Variants in CD247 observed in about 807,000 individuals in gnomAD.
CD247 encodes T-cell surface glycoprotein CD3 zeta chain.
In CD247, 13 loss-of-function variants were observed where a neutral mutation model predicts 30.0. That is an observed-to-expected ratio of 0.43 (90% confidence interval 0.28 to 0.69). The LOEUF (loss-of-function observed/expected upper bound fraction) is 0.69, where lower values mean the gene tolerates loss of function less well. Among genes scored for constraint, CD247 ranks in the 30% least tolerant of loss-of-function variants. The pLI, the probability that CD247 is intolerant of heterozygous loss-of-function variation, is 0.16. For synonymous variants in CD247, 72 were observed against 80.0 expected, an observed-to-expected ratio of 0.90 and a Z score of 0.53; for missense variants, 193 against 212.6, an observed-to-expected ratio of 0.91 and a Z score of 0.57.
At chr1:167,435,558 T>C in intron 4 of CD247, 124 bp from the exon 5 acceptor site, 1 of 795,328 alleles carries the variant, frequency 1.3e-6, no homozygotes, top group Non-Finnish European at 2.2e-6. Flanking sequence ...GCCTCTCTCC[T>C]CCCTGTGCTA....
At chr1:167,465,166 T>C (rs939642643) in intron 1 of CD247, among the ~76,000 whole-genome samples, 1 of 152,116 alleles carries the variant, frequency 6.6e-6, no homozygotes, top group African/African-American at 2.4e-5. Flanking sequence ...ATCATGTGTT[T>C]ACAAGCCTCA....
intron 1 of CD247, among the ~76,000 whole-genome samples, chr1:167,515,014 G>C (rs1655540391): frequency 6.6e-6 from 1 of 152,130 alleles, no homozygotes; most frequent in Non-Finnish European, 1.5e-5. Flanking sequence ...CTAAGCCAGA[G>C]CTCCCCAGGA....
chr1:167,478,385 G>A (rs1404852549), intron 1 of CD247, among the ~76,000 whole-genome samples: 5 of 152,214 alleles, frequency 3.3e-5, no homozygotes, highest in African/African-American at 4.8e-5. Flanking sequence ...GCAGAGATAA[G>A]AATGTTAAGC....
intron 1 of CD247, among the ~76,000 whole-genome samples, chr1:167,504,837 ACCTTTTGGGATCTCAT>A (rs1182253725): frequency 6.6e-6 from 1 of 152,214 alleles, no homozygotes; most frequent in African/African-American, 2.4e-5. Flanking sequence ...AATCTTGCCT[ACCTTTTGGGATCTCAT>A]CCGTTGGTGA....
At chr1:167,474,170 C>G (rs1012811069) in intron 1 of CD247, among the ~76,000 whole-genome samples, 1 of 152,126 alleles carries the variant, frequency 6.6e-6, no homozygotes, top group African/African-American at 2.4e-5. Flanking sequence ...ACTGAATAGT[C>G]TCACTGCCCT....
intron 1 of CD247, among the ~76,000 whole-genome samples, chr1:167,504,785 T>C (rs1223786431): frequency 1.3e-5 from 2 of 152,164 alleles, no homozygotes; most frequent in East Asian, 3.8e-4. Flanking sequence ...TGGGCTTCAT[T>C]AAAAAGCCCT....
chr1:167,465,399 G>A (rs1308278394), intron 1 of CD247, among the ~76,000 whole-genome samples: 1 of 142,634 alleles, frequency 7.0e-6, no homozygotes, highest in Non-Finnish European at 1.5e-5. Flanking sequence ...GGTGATCTCA[G>A]CTCACTGCAA....
At chr1:167,497,241 G>A (rs1029283713) in intron 1 of CD247, among the ~76,000 whole-genome samples, 7 of 152,096 alleles carry the variant, frequency 4.6e-5, no homozygotes, top group Non-Finnish European at 8.8e-5. Context: ...AGCCTAGAAG[G>A]ACAGTCACCA....
intron 1 of CD247, among the ~76,000 whole-genome samples, chr1:167,462,711 A>G (rs1260246058): frequency 6.6e-6 from 1 of 152,190 alleles, no homozygotes; most frequent in Non-Finnish European, 1.5e-5. Flanking sequence ...GAATGGGACC[A>G]GTAAAAGGGG....
intron 5 of CD247, chr1:167,434,515 C>T (rs779940612): frequency 9.6e-5 from 34 of 353,982 alleles, no homozygotes; most frequent in Non-Finnish European, 1.7e-4. Flanking sequence ...TCACAGAAGG[C>T]TGCCACCTGC....
At chr1:167,465,504 T>C (rs927570557) in intron 1 of CD247, among the ~76,000 whole-genome samples, 2 of 151,990 alleles carry the variant, frequency 1.3e-5, no homozygotes, top group African/African-American at 4.8e-5. Flanking sequence ...ATTTTTTTTG[T>C]ATTTTTAGTA....
Position 167,431,433 on chromosome 1 carries a change from T to C in CD247, c.*248A>G, listed in dbSNP as rs1651259872. 3.6e-6 allele frequency: 2 copies of C among 560,570 alleles called. No individual in the cohort carries two copies. The highest frequency in any genetic ancestry group is 3.8e-5 in the African/African-American group (2 of 52,198). The allele number at this position is 560,570 out of a possible 1,614,324, so 34.7% of individuals were successfully genotyped here. On this transcript the variant is annotated 3_prime_UTR_variant, in exon 8 of 8. Coordinates refer to ENST00000362089, the MANE Select transcript of CD247 (RefSeq NM_198053.3). ...GGAACCGCCAGGAGACAGGTCTACC[T>C]GCACCACCGGCAAACCAGAGGGCCC...
intron 1 of CD247, chr1:167,448,572 T>G: frequency 1.0e-6 from 1 of 971,840 alleles, no homozygotes; most frequent in Non-Finnish European, 1.2e-6. Flanking sequence ...AATGACCCAC[T>G]GGAGATACCT....
chr1:167,478,324 G>A (rs773140818), intron 1 of CD247, among the ~76,000 whole-genome samples: 1 of 152,232 alleles, frequency 6.6e-6, no homozygotes, highest in Non-Finnish European at 1.5e-5. Flanking sequence ...GGAAGAACCA[G>A]ACCTGCCTGA....
chr1:167,509,965 C>A (rs554126921), intron 1 of CD247, among the ~76,000 whole-genome samples: 9 of 152,154 alleles, frequency 5.9e-5, no homozygotes, highest in Non-Finnish European at 1.5e-5. Flanking sequence ...GTCTATGCAG[C>A]TATGAAGAAG....
intron 1 of CD247, among the ~76,000 whole-genome samples, chr1:167,473,928 T>C (rs1170303750): frequency 6.6e-6 from 1 of 152,182 alleles, no homozygotes; most frequent in African/African-American, 2.4e-5. Context: ...TGGTTGCACC[T>C]TGCATATCTG....
intron 1 of CD247, among the ~76,000 whole-genome samples, chr1:167,446,623 G>A (rs1052826244): frequency 3.9e-5 from 6 of 152,310 alleles, no homozygotes; most frequent in Admixed American, 6.5e-5. Flanking sequence ...ATCATGCCAC[G>A]GTTGGGGACA....
intron 1 of CD247, among the ~76,000 whole-genome samples, chr1:167,463,730 T>G (rs1308493175): frequency 6.6e-6 from 1 of 152,218 alleles, no homozygotes; most frequent in Non-Finnish European, 1.5e-5. Context: ...GGTTAGAATT[T>G]GATCTGGATC....
intron 1 of CD247, among the ~76,000 whole-genome samples, chr1:167,467,890 A>T (rs1558011878): frequency 6.6e-6 from 1 of 152,202 alleles, no homozygotes; most frequent in African/African-American, 2.4e-5. Flanking sequence ...GAAGCATGAG[A>T]GGCGTATTAC....
Sources: gnomAD v4.1 joint callset for allele counts (sites outside exome capture counted in the v4.1 genomes callset) on GRCh38, gnomAD v4.1.1 for gene constraint, MANE v1.5 for transcripts, NCBI Gene and HGNC (gene_info 2026-07-23, HGNC 2026-07-21) for gene names.